Variants in CDH13 observed in about 807,000 individuals in gnomAD.
CDH13 encodes the protein cadherin-13.
Under a neutral mutation model 63.8 loss-of-function variants are expected in CDH13, and 24 were observed. The observed-to-expected ratio is 0.38, with a 90% CI of 0.27 to 0.53. The LOEUF is 0.53. CDH13 is among the 20% of genes least tolerant of loss of function. The pLI is 0.85. For missense variants in CDH13, 1,049 were observed against 903.1 expected, an observed-to-expected ratio of 1.16 and a Z score of -2.07; for synonymous variants, 503 against 355.3, an observed-to-expected ratio of 1.42 and a Z score of -4.67.
chr16:83,324,228 G>A (rs962454354), intron 5 of CDH13, among the ~76,000 whole-genome samples: 20 of 151,986 alleles, frequency 1.3e-4, no homozygotes, highest in Admixed American at 1.3e-3. Context: ...ATAGAGACAG[G>A]GTTTCACCAT....
intron 3 of CDH13, among the ~76,000 whole-genome samples, chr16:83,055,182 A>C (rs879885617): frequency 6.6e-6 from 1 of 152,112 alleles, no homozygotes; most frequent in African/African-American, 2.4e-5. Context: ...AATCCAGATA[A>C]AGTAGAGGAA....
At chr16:82,728,189 AT>A (rs1701474351) in intron 1 of CDH13, among the ~76,000 whole-genome samples, 1 of 152,184 alleles carries the variant, frequency 6.6e-6, no homozygotes, top group Non-Finnish European at 1.5e-5. Context: ...CATTAAAAAC[AT>A]TTGATAATAT....
chr16:83,760,757 T>G (rs553562250), intron 11 of CDH13, among the ~76,000 whole-genome samples: 1 of 152,306 alleles, frequency 6.6e-6, no homozygotes, highest in South Asian at 2.1e-4. Context: ...ACATGAAGAT[T>G]TCTATGTTTC....
At chr16:83,390,658 GC>G (rs1301092663) in intron 6 of CDH13, among the ~76,000 whole-genome samples, 2 of 152,062 alleles carry the variant, frequency 1.3e-5, no homozygotes, top group Admixed American at 1.3e-4. Context: ...AACAGCCATG[GC>G]CCGAGATCAG....
rs540856150 is a variant in CDH13 at position 83,364,583 on chromosome 16, G to A, written c.781+19577G>A. Among the ~76,000 whole-genome samples, 5 of 152,232 alleles carry A rather than the reference G, an allele frequency of 3.3e-5. No individual in the cohort carries two copies. In the East Asian group the frequency reaches 9.7e-4, roughly 29 times the overall value. On this transcript the variant is annotated intron_variant, in intron 6 of 13. Transcript: ENST00000567109. ...GGAAGAGGTGACTTTAAACTCATAG[G>A]TTTTTACCATTGGCCCAGAGGAAAA...
At chr16:82,820,805 G>T (rs1049313819) in intron 1 of CDH13, among the ~76,000 whole-genome samples, 4 of 152,100 alleles carry the variant, frequency 2.6e-5, no homozygotes, top group African/African-American at 9.7e-5. Context: ...CCTAGATCTG[G>T]CCCTGAAGGT....
intron 4 of CDH13, among the ~76,000 whole-genome samples, chr16:83,193,969 T>A (rs2038801048): frequency 6.6e-6 from 1 of 152,152 alleles, no homozygotes; most frequent in African/African-American, 2.4e-5. Flanking sequence ...GTTGCCCTCA[T>A]CCCCACAATA....
chr16:83,468,914 C>A (rs1234229077), intron 6 of CDH13, among the ~76,000 whole-genome samples: 3 of 152,162 alleles, frequency 2.0e-5, no homozygotes, highest in African/African-American at 7.2e-5. Flanking sequence ...CTTTGATCTC[C>A]CTTTGGATGC....
intron 6 of CDH13, among the ~76,000 whole-genome samples, chr16:83,380,453 T>C (rs2091541800): frequency 1.3e-5 from 2 of 152,180 alleles, no homozygotes; most frequent in Admixed American, 1.3e-4. Context: ...ACGTGACAGA[T>C]ACACGTGAAA....
At chr16:82,871,561 C>T (rs2040341976) in intron 2 of CDH13, among the ~76,000 whole-genome samples, 1 of 152,188 alleles carries the variant, frequency 6.6e-6, no homozygotes, top group African/African-American at 2.4e-5. Flanking sequence ...CTAACTTTGA[C>T]TTGCATGACA....
At chr16:83,263,880 AT>A (rs148694387) in intron 5 of CDH13, among the ~76,000 whole-genome samples, 140 of 151,430 alleles carry the variant, frequency 9.2e-4, no homozygotes, top group African/African-American at 2.3e-3. Context: ...CTGAGGCTGA[AT>A]TTTTTAAAAA....
intron 5 of CDH13, among the ~76,000 whole-genome samples, chr16:83,260,823 C>G (rs572610086): frequency 6.6e-6 from 1 of 152,166 alleles, no homozygotes; most frequent in African/African-American, 2.4e-5. Context: ...TATTTAAAAG[C>G]CACTTGGATG....
At chr16:83,564,205 C>G (rs1231293486) in intron 7 of CDH13, among the ~76,000 whole-genome samples, 1 of 151,880 alleles carries the variant, frequency 6.6e-6, no homozygotes, top group Non-Finnish European at 1.5e-5. Flanking sequence ...AGGTGAATCC[C>G]CAGAGATGAA....
Position 83,643,960 on chromosome 16 carries a change from G to A in CDH13, c.1102-26830G>A, listed in dbSNP as rs560433409. 1.1e-3 allele frequency among the ~76,000 whole-genome samples: 166 copies of A among 152,318 alleles called. 2 individuals carry two copies. Among genetic ancestry groups the A allele is most frequent in the African/African-American group, 3.1e-3 (128 of 41,560 alleles). ...AGCCAGAGCTCCGCTCCTAGAGAGC[G>A]TTTGAGGAACCTGCATGTGGTTTGT... is the stretch of plus-strand genomic sequence containing the variant. On this transcript the variant is annotated intron_variant, in intron 8 of 13. Coordinates refer to ENST00000567109, the MANE Select transcript of CDH13 (RefSeq NM_001257.5).
chr16:83,323,959 C>A (rs935643759), intron 5 of CDH13, among the ~76,000 whole-genome samples: 8 of 152,162 alleles, frequency 5.3e-5, no homozygotes, highest in African/African-American at 1.7e-4. Context: ...ACACAATTCA[C>A]CCATTGAAAG....
chr16:82,663,923 C>T lies in CDH13; in HGVS notation c.45+36786C>T, dbSNP rs144540550. Among the ~76,000 whole-genome samples, 12 of 152,288 alleles carry T rather than the reference C, an allele frequency of 7.9e-5. No individual in the cohort carries two copies. The East Asian group carries it at 1.4e-3, about 17-fold the overall frequency. On this transcript the variant is annotated intron_variant, in intron 1 of 13. Transcript: ENST00000567109. ...TCTACCCTCCCTCCTCCTACCATGG[C>T]GCATTCTGCAGCATGACAGGCATTC... is the stretch of plus-strand genomic sequence containing the variant.
intron 8 of CDH13, among the ~76,000 whole-genome samples, chr16:83,666,195 A>T (rs1484543690): frequency 6.6e-6 from 1 of 152,238 alleles, no homozygotes; most frequent in Non-Finnish European, 1.5e-5. Context: ...TTTAAATCAC[A>T]AAGTGAGCAT....
intron 7 of CDH13, among the ~76,000 whole-genome samples, chr16:83,554,425 T>C (rs2075564612): frequency 6.6e-6 from 1 of 152,014 alleles, no homozygotes; most frequent in Non-Finnish European, 1.5e-5. Flanking sequence ...AAGTAGGCAA[T>C]GGAAAGTAGA....
chr16:83,083,860 A>C (rs1037950551), intron 3 of CDH13, among the ~76,000 whole-genome samples: 2 of 152,200 alleles, frequency 1.3e-5, no homozygotes, highest in African/African-American at 4.8e-5. Flanking sequence ...CCATTTGCCT[A>C]TCCCAAGTTA....
Sources: allele counts gnomAD v4.1 joint callset (sites outside exome capture counted in the v4.1 genomes callset), GRCh38; gene constraint gnomAD v4.1.1; transcripts MANE v1.5; gene names NCBI Gene and HGNC (gene_info 2026-07-23, HGNC 2026-07-21).